Variants in DPP6 observed in about 807,000 individuals in gnomAD.
The protein encoded by DPP6 is dipeptidyl peptidase like 6, also known as A-type potassium channel modulatory protein DPP6.
Under a neutral mutation model 122.6 loss-of-function variants are expected in DPP6, and 69 were observed. That is an observed-to-expected ratio of 0.56 (90% confidence interval 0.46 to 0.69). The LOEUF (loss-of-function observed/expected upper bound fraction) is 0.69. Ranked by LOEUF, DPP6 falls within the 30% of genes least tolerant of loss-of-function variation. The pLI is 0.00. For missense variants in DPP6, 928 were observed against 1,116.9 expected (o/e 0.83, Z 2.41); for synonymous variants, 418 against 433.1 (o/e 0.97, Z 0.43).
the DPP6 span, among the ~76,000 whole-genome samples, chr7:153,807,136 G>A: frequency 2.0e-5 from 3 of 151,908 alleles, no homozygotes; most frequent in East Asian, 1.9e-4. Context: ...CCTTAGGCTG[G>A]GTGCAGTGGC....
At chr7:154,060,826 C>T (rs1269256495) in intron 1 of DPP6, among the ~76,000 whole-genome samples, 1 of 126,114 alleles carries the variant, frequency 7.9e-6, no homozygotes, top group African/African-American at 3.4e-5. Context: ...GAGGCAGGGA[C>T]TGAGAGCCAG....
intron 1 of DPP6, among the ~76,000 whole-genome samples, chr7:154,313,504 A>T (rs1807089628): frequency 6.6e-6 from 1 of 151,624 alleles, no homozygotes; most frequent in Non-Finnish European, 1.5e-5. Flanking sequence ...GAATAGGTAA[A>T]ACCAGAGGAG....
intron 1 of DPP6, among the ~76,000 whole-genome samples, chr7:154,395,018 T>G (rs4726412): frequency 6.6e-6 from 1 of 152,000 alleles, no homozygotes; most frequent in Non-Finnish European, 1.5e-5. Flanking sequence ...CGTAATACCA[T>G]GGACTAGGTA....
intron 2 of DPP6, among the ~76,000 whole-genome samples, chr7:154,473,527 A>C (rs1822471159): frequency 6.6e-6 from 1 of 152,226 alleles, no homozygotes; most frequent in South Asian, 2.1e-4. Context: ...CAATTTCAGT[A>C]ATTTGTCAAC....
At chr7:153,962,575 G>A (rs898251879) in intron 1 of DPP6, among the ~76,000 whole-genome samples, 3 of 152,158 alleles carry the variant, frequency 2.0e-5, no homozygotes, top group African/African-American at 7.2e-5. Flanking sequence ...CCTTACGTGA[G>A]CTGGGTTTTT....
chr7:154,162,039 TATTTA>T (rs1440157029), intron 1 of DPP6, among the ~76,000 whole-genome samples: 2 of 124,600 alleles, frequency 1.6e-5, no homozygotes, highest in Non-Finnish European at 3.3e-5. Flanking sequence ...AAGAAGGTTT[TATTTA>T]ATTATAAATA....
chr7:153,896,840 A>T (rs1198031396), intron 1 of DPP6, among the ~76,000 whole-genome samples: 2 of 152,162 alleles, frequency 1.3e-5, no homozygotes, highest in Non-Finnish European at 2.9e-5. Flanking sequence ...AAATAAATAT[A>T]CTTATTTATA....
intron 7 of DPP6, among the ~76,000 whole-genome samples, chr7:154,706,836 T>G (rs1840855608): frequency 6.6e-6 from 1 of 152,136 alleles, no homozygotes; most frequent in Non-Finnish European, 1.5e-5. Flanking sequence ...TTTCTCTGGG[T>G]GGGTGACTCT....
intron 1 of DPP6, among the ~76,000 whole-genome samples, chr7:154,168,419 A>G (rs1319073869): frequency 6.6e-6 from 1 of 152,180 alleles, no homozygotes; most frequent in Non-Finnish European, 1.5e-5. Flanking sequence ...GAATGGAAAG[A>G]AGGCAAGGAA....
rs146112061 is a variant in DPP6, at chr7:153,888,335, T to C, written c.51+601T>C. Among the ~76,000 whole-genome samples, 1,470 of 152,132 alleles carry C rather than the reference T, an allele frequency of 9.7e-3. 20 individuals carry two copies. The highest frequency in any genetic ancestry group is 0.033 in the African/African-American group (1,379 of 41,526). On this transcript the variant is annotated intron_variant, in intron 1 of 25. Transcript: ENST00000404039. ...GCCGGAGGAGGTCAGGGGCACTTCGTCCCCCAGGAGGGCCGCGTGCCTGGA... is the reference window on the plus strand; with the variant it reads ...GCCGGAGGAGGTCAGGGGCACTTCGCCCCCCAGGAGGGCCGCGTGCCTGGA...
At position 154,823,421 on chromosome 7, in the gene DPP6, T is replaced by C. The variant is rs150343611; in HGVS notation, c.1666+16309T>C. On this transcript the variant is annotated intron_variant, in intron 16 of 25. Coordinates refer to ENST00000377770, the MANE Select transcript of DPP6 (RefSeq NM_130797.4). ...ATGCAATTTTACACCCTATACTTAATGCACAGTAAATGGGTCTGAATGAAT... is the reference window on the plus strand; with the variant it reads ...ATGCAATTTTACACCCTATACTTAACGCACAGTAAATGGGTCTGAATGAAT... Among the ~76,000 whole-genome samples the C allele has an allele frequency of 7.1e-3, 1,075 of 152,306 alleles. 7 individuals are homozygous for C. The highest frequency in any genetic ancestry group is 0.02 in the Middle Eastern group (6 of 294).
At chr7:153,867,186 G>T in the DPP6 span, among the ~76,000 whole-genome samples, 2 of 152,152 alleles carry the variant, frequency 1.3e-5, no homozygotes, top group Non-Finnish European at 2.9e-5. Flanking sequence ...ATTCTGTGAA[G>T]AAAGTAATTG....
At chr7:154,053,125 C>T in intron 1 of DPP6, 62 bp downstream of exon 1, 3 of 1,005,402 alleles carry the variant, frequency 3.0e-6, no homozygotes, top group Non-Finnish European at 3.6e-6. Context: ...CGCAGCGAGA[C>T]GCGTCGGCAG....
At chr7:154,120,004 A>G (rs1807317990) in intron 1 of DPP6, among the ~76,000 whole-genome samples, 1 of 151,790 alleles carries the variant, frequency 6.6e-6, no homozygotes, top group Non-Finnish European at 1.5e-5. Flanking sequence ...ACCCCACTCG[A>G]CAGACCTTTA....
At chr7:154,127,266 A>G (rs1395014569) in intron 1 of DPP6, among the ~76,000 whole-genome samples, 1 of 152,238 alleles carries the variant, frequency 6.6e-6, no homozygotes, top group Non-Finnish European at 1.5e-5. Flanking sequence ...AGACATTTTA[A>G]GAAAATATTT....
intron 5 of DPP6, among the ~76,000 whole-genome samples, chr7:154,577,341 A>G (rs2130639319): frequency 6.6e-6 from 1 of 152,268 alleles, no homozygotes; most frequent in Admixed American, 6.5e-5. Flanking sequence ...AGGCCTGTGC[A>G]GGTGGGAGCT....
chr7:154,398,733 A>G (rs892894292), intron 1 of DPP6, among the ~76,000 whole-genome samples: 2 of 151,854 alleles, frequency 1.3e-5, no homozygotes, highest in Non-Finnish European at 2.9e-5. Context: ...AGAGTACCAG[A>G]CTCTGGTGTC....
In DPP6 at chr7:154,023,757, C is replaced by T. The variant is rs143036093; in HGVS notation, c.51+136023C>T. On this transcript the variant is annotated intron_variant, in intron 1 of 25. Coordinates refer to the DPP6 transcript ENST00000404039. ...TTGGCCTCCCAAAGTGCTGGGATTA[C>T]AGGTGTGAACCACTGCCTCTGGTCT... Among the ~76,000 whole-genome samples, 736 of 152,264 alleles carry T rather than the reference C, an allele frequency of 4.8e-3. 12 individuals are homozygous for T. Among genetic ancestry groups the T allele is most frequent in the African/African-American group, 0.017 (710 of 41,534 alleles).
intron 1 of DPP6, among the ~76,000 whole-genome samples, chr7:154,061,668 C>G (rs1316869160): frequency 7.3e-6 from 1 of 137,704 alleles, no homozygotes; most frequent in African/African-American, 2.8e-5. Flanking sequence ...AACCCCTCTT[C>G]CCCCCCTGGC....
Sources: allele counts gnomAD v4.1 joint callset (sites outside exome capture counted in the v4.1 genomes callset), GRCh38; gene constraint gnomAD v4.1.1; transcripts MANE v1.5; gene names NCBI Gene and HGNC (gene_info 2026-07-23, HGNC 2026-07-21).